The following WLS variants were observed in gnomAD, a reference collection of about 807,000 sequenced individuals.
WLS encodes protein wntless homolog.
WLS carries 23 observed loss-of-function variants against 62.8 expected under a neutral mutation model. The ratio of observed to expected loss-of-function variants is 0.37; its 90% CI spans 0.26 to 0.52. The LOEUF (loss-of-function observed/expected upper bound fraction) is 0.52, where lower values mean the gene tolerates loss of function less well. WLS is among the 20% of genes least tolerant of loss of function. The pLI, the probability that WLS is intolerant of heterozygous loss-of-function variation, is 0.92. For missense variants in WLS, 615 were observed against 697.3 expected, an observed-to-expected ratio of 0.88 and a Z score of 1.33; for synonymous variants, 246 against 244.1, an observed-to-expected ratio of 1.01 and a Z score of -0.07.
intron 11 of WLS, chr1:68,127,057 C>T (rs1381746480): frequency 2.5e-6 from 1 of 395,686 alleles, no homozygotes; most frequent in Non-Finnish European, 5.0e-6. Flanking sequence ...TACCTGCGTG[C>T]AGTAACTCAC....
chr1:68,186,953 T>C (rs924587186), intron 2 of WLS, among the ~76,000 whole-genome samples: 3 of 152,038 alleles, frequency 2.0e-5, no homozygotes, highest in African/African-American at 7.2e-5. Context: ...AGCTCACGCC[T>C]GTAATCCCCG....
chr1:68,102,405 TG>T (rs1230847165), intron 11 of WLS, among the ~76,000 whole-genome samples: 3 of 152,208 alleles, frequency 2.0e-5, no homozygotes, highest in Admixed American at 2.0e-4. Context: ...AATCGTAGCC[TG>T]GGATCTGGAG....
At chr1:68,182,472 T>A (rs1397376936) in intron 2 of WLS, among the ~76,000 whole-genome samples, 1 of 152,208 alleles carries the variant, frequency 6.6e-6, no homozygotes, top group Non-Finnish European at 1.5e-5. Flanking sequence ...ATGTCCCTAA[T>A]CTTCTCTATC....
At position 68,126,090 on chromosome 1, in the gene WLS, T is replaced by A. The variant is rs1031832689; in HGVS notation, c.*136A>T. Reference sequence around the variant, plus strand: ...CAGAAGGCAAACTGACAAATGTCCATGCCGCTGGTCCAAGAAACCACAGCT... The same window carrying A: ...CAGAAGGCAAACTGACAAATGTCCAAGCCGCTGGTCCAAGAAACCACAGCT... On this transcript the variant is annotated 3_prime_UTR_variant, in exon 12 of 12. Transcript: ENST00000262348. 10 of 1,452,048 alleles carry A rather than the reference T, an allele frequency of 6.9e-6. No individual in the cohort carries two copies. The South Asian group carries it at 1.5e-4, about 22-fold the overall frequency. 89.9% of individuals were successfully genotyped at this position (1,452,048 alleles called of 1,614,324 possible).
At chr1:68,160,528 C>T (rs1646958482) in intron 2 of WLS, among the ~76,000 whole-genome samples, 1 of 152,200 alleles carries the variant, frequency 6.6e-6, no homozygotes, top group African/African-American at 2.4e-5. Context: ...TTGCCTTAAA[C>T]ATCTCAAGTA....
chr1:68,109,254 C>A (rs189838537), intron 11 of WLS, among the ~76,000 whole-genome samples: 1 of 152,354 alleles, frequency 6.6e-6, no homozygotes, highest in Admixed American at 6.5e-5. Flanking sequence ...AGGTGGGTAA[C>A]CCTCTGGCTC....
At chr1:68,109,901 G>C (rs1376726206) in intron 11 of WLS, among the ~76,000 whole-genome samples, 1 of 149,304 alleles carries the variant, frequency 6.7e-6, no homozygotes, top group Non-Finnish European at 1.5e-5. Context: ...GAATATAAAT[G>C]AAGAATTGAT....
chr1:68,155,154 T>C lies in WLS; in HGVS notation c.611A>G (p.Asn204Ser), dbSNP rs777234549. 3.1e-6 allele frequency: 5 copies of C among 1,614,036 alleles called. No individual in the cohort carries two copies. Among genetic ancestry groups the C allele is most frequent in the Non-Finnish European group, 4.2e-6 (5 of 1,179,948 alleles). Residue 204 changes from asparagine to serine, a missense_variant, in exon 4 of 12, where the codon AAT becomes AGT. Asn to Ser is a conservative substitution (Grantham distance 46). Coordinates refer to ENST00000262348, the MANE Select transcript of WLS (RefSeq NM_024911.7). ...TCCCACATTGATTTTCTTCTTCTCA[T>C]TCACAGGCAGCCGGATGTTTAAAAG... is the stretch of plus-strand genomic sequence containing the variant. ...FYLLNIRLPV[N>S]EKKKINVGIG...
intron 1 of WLS, among the ~76,000 whole-genome samples, chr1:68,218,282 T>C (rs1649815426): frequency 6.6e-6 from 1 of 152,222 alleles, no homozygotes. Flanking sequence ...TAACATCATT[T>C]TATTCTTGTT....
chr1:68,178,449 C>T (rs1325557616), intron 2 of WLS, among the ~76,000 whole-genome samples: 2 of 152,080 alleles, frequency 1.3e-5, no homozygotes, highest in African/African-American at 2.4e-5. Context: ...GCCTGTAATC[C>T]CAGCACTTTG....
intron 11 of WLS, among the ~76,000 whole-genome samples, chr1:68,108,140 T>C (rs1557444419): frequency 6.6e-6 from 1 of 152,172 alleles, no homozygotes; most frequent in African/African-American, 2.4e-5. Context: ...GTTCTGACAA[T>C]AGCTCTGTGC....
intron 1 of WLS, among the ~76,000 whole-genome samples, chr1:68,227,727 C>T (rs1036178533): frequency 6.6e-6 from 1 of 152,062 alleles, no homozygotes; most frequent in African/African-American, 2.4e-5. Flanking sequence ...GACTTAACAT[C>T]AACCAAAAAC....
intron 11 of WLS, among the ~76,000 whole-genome samples, chr1:68,133,894 G>T (rs80321181): frequency 6.6e-6 from 1 of 152,270 alleles, no homozygotes; most frequent in African/African-American, 2.4e-5. Flanking sequence ...GCTTGTCTGT[G>T]CTCCGTCCAG....
At chr1:68,180,089 C>T (rs1279433890) in intron 2 of WLS, among the ~76,000 whole-genome samples, 1 of 151,906 alleles carries the variant, frequency 6.6e-6, no homozygotes, top group Non-Finnish European at 1.5e-5. Flanking sequence ...GCAACAGCAT[C>T]TCTAGTGCGA....
Position 68,232,212 on chromosome 1 carries a change from G to C in WLS, c.88C>G (p.Leu30Val). The C allele has an allele frequency of 1.2e-6, 2 of 1,614,136 alleles. No homozygotes were observed. The highest frequency in any genetic ancestry group is 1.7e-6 in the Non-Finnish European group (2 of 1,180,028). Reference sequence around the variant, plus strand: ...CACTTACCAATCAAGCCTCCCACCAGAAAGGCGATGATTTGGAACACGAGC... The same window carrying C: ...CACTTACCAATCAAGCCTCCCACCACAAAGGCGATGATTTGGAACACGAGC... The part of the protein sequence containing the change: ...ILLVFQIIAF[L>V]VGGLIAPGPT... The change falls in exon 1 of 12, where the codon CTG (leucine) becomes GTG (valine). Residue 30 changes from leucine to valine, a missense_variant. Physicochemically the swap from Leu to Val is conservative, Grantham distance 32. Coordinates refer to ENST00000262348, the MANE Select transcript of WLS (RefSeq NM_024911.7).
chr1:68,152,683 A>C (rs551708674), intron 5 of WLS, among the ~76,000 whole-genome samples: 1 of 152,232 alleles, frequency 6.6e-6, no homozygotes, highest in African/African-American at 2.4e-5. Context: ...AGACATATGC[A>C]CAAGGTTTTT....
At chr1:68,186,233 G>C (rs941531889) in intron 2 of WLS, among the ~76,000 whole-genome samples, 4 of 152,118 alleles carry the variant, frequency 2.6e-5, no homozygotes, top group African/African-American at 9.7e-5. Flanking sequence ...TTTTCTGAGG[G>C]TTTGGAAACT....
At chr1:68,194,352 C>A in intron 1 of WLS, 125 bp from the exon 2 acceptor site, 5 of 1,261,344 alleles carry the variant, frequency 4.0e-6, no homozygotes, top group Non-Finnish European at 5.4e-6. Context: ...TGGGGCTCAG[C>A]AATACTTAGG....
intron 1 of WLS, among the ~76,000 whole-genome samples, chr1:68,204,392 T>A (rs1164290619): frequency 6.6e-6 from 1 of 152,068 alleles, no homozygotes; most frequent in Non-Finnish European, 1.5e-5. Flanking sequence ...CGGTCTCGGC[T>A]CACTGCAAGC....
Sources: allele counts gnomAD v4.1 joint callset (sites outside exome capture counted in the v4.1 genomes callset), GRCh38; gene constraint gnomAD v4.1.1; transcripts MANE v1.5; gene names NCBI Gene and HGNC (gene_info 2026-07-23, HGNC 2026-07-21).